SF3A1: variants seen among roughly 807,000 people sequenced by gnomAD.
SF3A1 encodes the protein SAP 114.
SF3A1 carries 13 observed loss-of-function variants against 89.9 expected under a neutral mutation model. The observed-to-expected ratio is 0.14, with a 90% confidence interval of 0.09 to 0.23. SF3A1 has a LOEUF of 0.23. Among genes scored for constraint, SF3A1 ranks in the 10% least tolerant of loss-of-function variants. The pLI, the probability that SF3A1 is intolerant of heterozygous loss-of-function variation, is 1.00. For missense variants in SF3A1, 604 were observed against 1,022.1 expected (o/e 0.59, Z 5.58); for synonymous variants, 405 against 374.4 (o/e 1.08, Z -0.94).
chr22:30,349,005 G>A (rs1432026228), intron 2 of SF3A1, among the ~76,000 whole-genome samples: 1 of 152,198 alleles, frequency 6.6e-6, no homozygotes, highest in African/African-American at 2.4e-5. Context: ...AGAAGGAATA[G>A]ATTTCAACAG....
Position 30,352,209 on chromosome 22 carries a change from G to A in SF3A1, c.185+742C>T, listed in dbSNP as rs182631913. ...CAGCTAGCACCTGCACAGGACTGTG[G>A]GGAGAGACAGGAGGAACTCAGAGCA... is the stretch of plus-strand genomic sequence containing the variant. On this transcript the variant is annotated intron_variant, in intron 2 of 15. Transcript: ENST00000215793. Among the ~76,000 whole-genome samples the A allele has an allele frequency of 7.8e-4, 118 of 152,170 alleles. 1 individual carries two copies. Among genetic ancestry groups the A allele is most frequent in the Non-Finnish European group, 8.8e-4 (60 of 67,988 alleles).
At chr22:30,352,882 G>C in intron 2 of SF3A1, 69 bp downstream of exon 2, 2 of 1,581,342 alleles carry the variant, frequency 1.3e-6, no homozygotes, top group East Asian at 2.2e-5. Flanking sequence ...AAAAACCCTT[G>C]TGCTGATTCA....
At chr22:30,351,346 A>G (rs140223385) in intron 2 of SF3A1, among the ~76,000 whole-genome samples, 4 of 152,210 alleles carry the variant, frequency 2.6e-5, no homozygotes, top group African/African-American at 9.6e-5. Context: ...CTTTATGTCT[A>G]ATTTTATTAG....
chr22:30,338,708 A>G, intron 11 of SF3A1, 81 bp downstream of exon 11: 2 of 1,579,352 alleles, frequency 1.3e-6, no homozygotes, highest in Admixed American at 1.7e-5. Flanking sequence ...ACTAAAAGGC[A>G]GCTGCACTTC....
At chr22:30,349,419 T>C (rs1931518130) in intron 2 of SF3A1, among the ~76,000 whole-genome samples, 1 of 152,326 alleles carries the variant, frequency 6.6e-6, no homozygotes, top group East Asian at 1.9e-4. Flanking sequence ...TAGCTGGGAC[T>C]ACAGGCGCCC....
At chr22:30,348,109 T>C (rs750549454) in intron 2 of SF3A1, among the ~76,000 whole-genome samples, 6 of 152,252 alleles carry the variant, frequency 3.9e-5, no homozygotes, top group South Asian at 4.1e-4. Flanking sequence ...GTGATAGGAT[T>C]ATAGGCGTGA....
chr22:30,344,878 A>G (rs1275135888), intron 4 of SF3A1, 55 bp downstream of exon 4: 2 of 1,586,894 alleles, frequency 1.3e-6, no homozygotes, highest in Non-Finnish European at 8.6e-7. Context: ...GCTTCCAAGC[A>G]TAAGATGTTT....
chr22:30,345,091 C>T lies in SF3A1; in HGVS notation c.493G>A (p.Asp165Asn). The change falls in exon 4 of 16, where the codon GAT (aspartate) becomes AAT (asparagine). Residue 165 changes from aspartate to asparagine, a missense_variant. Transcript: ENST00000215793. Reference protein sequence around the residue: ...DPPSISAFDLDVVKLTAQFVA... With the variant: ...DPPSISAFDLNVVKLTAQFVA... ...AACTGAGCCGTCAGCTTCACCACAT[C>T]CAAGTCGAAGGCTGAGATAGAGGGA... The T allele has an allele frequency of 1.2e-6, 2 of 1,614,236 alleles. No homozygotes were observed. The highest frequency in any genetic ancestry group is 1.7e-6 in the Non-Finnish European group (2 of 1,180,050).
At chr22:30,351,419 G>A (rs1931590646) in intron 2 of SF3A1, among the ~76,000 whole-genome samples, 1 of 152,220 alleles carries the variant, frequency 6.6e-6, no homozygotes, top group African/African-American at 2.4e-5. Flanking sequence ...CCTCAGGGGG[G>A]TGACGTGGTC....
intron 4 of SF3A1, 90 bp from the exon 5 acceptor site, chr22:30,342,969 G>C: frequency 1.3e-6 from 1 of 788,028 alleles, no homozygotes; most frequent in Non-Finnish European, 2.1e-6. Flanking sequence ...AAGCACAGGA[G>C]ATGAGGAAGC....
At chr22:30,336,991 G>A in intron 13 of SF3A1, 35 bp downstream of exon 13, 1 of 1,613,564 alleles carries the variant, frequency 6.2e-7, no homozygotes, top group Middle Eastern at 1.7e-4. Context: ...GAACCCTCCA[G>A]CTAGAAACTT....
intron 8 of SF3A1, 58 bp downstream of exon 8, chr22:30,340,637 A>G (rs1931221202): frequency 1.8e-6 from 2 of 1,081,114 alleles, no homozygotes; most frequent in Non-Finnish European, 2.8e-6. Context: ...TGAGGAACAC[A>G]TGAGGGCACA....
At chr22:30,353,151 T>C (rs1229969177) in intron 1 of SF3A1, 79 bp from the exon 2 acceptor site, 2 of 1,538,186 alleles carry the variant, frequency 1.3e-6, no homozygotes, top group African/African-American at 2.7e-5. Context: ...TCCTCTAGGA[T>C]ATCATTCAGA....
At chr22:30,349,329 G>A (rs892542295) in intron 2 of SF3A1, among the ~76,000 whole-genome samples, 3 of 152,150 alleles carry the variant, frequency 2.0e-5, no homozygotes, top group African/African-American at 7.2e-5. Flanking sequence ...CACCCAGGTG[G>A]GAGTGCAGTG....
chr22:30,332,724 A>T lies in SF3A1; in HGVS notation c.*1870T>A, dbSNP rs1385865775. The T allele has an allele frequency of 6.6e-6, 1 of 152,234 alleles. No individual in the cohort carries two copies. The highest frequency in any genetic ancestry group is 1.5e-5 in the Non-Finnish European group (1 of 68,056). 9.4% of individuals were successfully genotyped at this position (152,234 alleles called of 1,614,324 possible). A position where few individuals can be genotyped will look rare whatever the true frequency, so the allele number is the denominator to read the frequency against. Reference sequence around the variant, plus strand: ...TCAATGGAGCTTCTGCATCTGAGCGAGCCAGTACAGATATTCATTCAGGAG... The same window carrying T: ...TCAATGGAGCTTCTGCATCTGAGCGTGCCAGTACAGATATTCATTCAGGAG... On this transcript the variant is annotated 3_prime_UTR_variant, in exon 16 of 16. Transcript: ENST00000215793.
chr22:30,345,327 C>CACTA, intron 3 of SF3A1, 137 bp from the exon 4 acceptor site: 1 of 768,932 alleles, frequency 1.3e-6, no homozygotes, highest in East Asian at 2.5e-5. Context: ...ATGCACACAC[C>CACTA]ACTAGCACTT....
At chr22:30,345,234 C>A (rs765492464) in intron 3 of SF3A1, 44 bp from the exon 4 acceptor site, 4 of 1,579,244 alleles carry the variant, frequency 2.5e-6, no homozygotes, top group Non-Finnish European at 3.5e-6. Context: ...CAGGGGTGAA[C>A]AGGCTCCAGG....
intron 11 of SF3A1, 112 bp downstream of exon 11, chr22:30,338,676 AC>A (rs1169426145): frequency 1.6e-5 from 21 of 1,332,330 alleles, no homozygotes; most frequent in Non-Finnish European, 2.2e-5. Context: ...TTTCAAACTG[AC>A]CCACCCAACA....
intron 2 of SF3A1, among the ~76,000 whole-genome samples, chr22:30,347,643 T>C (rs912492643): frequency 6.6e-5 from 10 of 152,218 alleles, no homozygotes; most frequent in African/African-American, 2.4e-4. Context: ...GCCACACTTA[T>C]ATACAACACC....
Sources: gnomAD v4.1 joint callset for allele counts (sites outside exome capture counted in the v4.1 genomes callset) on GRCh38, gnomAD v4.1.1 for gene constraint, MANE v1.5 for transcripts, NCBI Gene and HGNC (gene_info 2026-07-23, HGNC 2026-07-21) for gene names.